ZNF789: variants seen among roughly 807,000 people sequenced by gnomAD.
ZNF789 encodes zinc finger protein 789.
ZNF789 carries 11 observed loss-of-function variants against 15.6 expected under a neutral mutation model. The ratio of observed to expected loss-of-function variants is 0.70; its 90% confidence interval spans 0.44 to 1.16. ZNF789 has a LOEUF of 1.16. Among genes scored for constraint, ZNF789 ranks in the 50% most tolerant of loss-of-function variants. The pLI, the probability that ZNF789 is intolerant of heterozygous loss-of-function variation, is 0.00. For synonymous variants in ZNF789, 159 were observed against 176.0 expected, an observed-to-expected ratio of 0.90 and a Z score of 0.76; for missense variants, 461 against 512.6, an observed-to-expected ratio of 0.90 and a Z score of 0.97.
At position 99,476,400 on chromosome 7, in the gene ZNF789, C is replaced by T; in HGVS notation, c.-54-3C>T. The T allele has an allele frequency of 6.3e-7, 1 of 1,588,096 alleles. No homozygotes were observed. Among genetic ancestry groups the T allele is most frequent in the Non-Finnish European group, 8.5e-7 (1 of 1,169,762 alleles). On this transcript the variant is annotated splice_region_variant and splice_polypyrimidine_tract_variant and intron_variant, in intron 1 of 4. Transcript: ENST00000331410. ...GGCCTTACTGACTTTTTTTCTTCTC[C>T]AGCTCAGCCAGACGTCCAGGATCCC...
chr7:99,483,508 G>A (rs774582798), intron 3 of ZNF789: 24 of 515,954 alleles, frequency 4.7e-5, no homozygotes, highest in Non-Finnish European at 7.4e-5. Flanking sequence ...CGCTGTGCCT[G>A]TAGTTCCAGC....
rs1334174138 is a variant in ZNF789, at chr7:99,486,798, A to G, written c.588A>G (p.Thr196=). The change falls in exon 5 of 5, where the codon ACA becomes ACG. Residue 196 remains threonine (T), a synonymous_variant. Transcript: ENST00000331410. ...SLLLGHERIL[T]RAKSYECSEC... ...TTTTGGGGCATGAGCGAATTCTCAC[A>G]AGAGCAAAGTCTTATGAATGCAGTG... The G allele has an allele frequency of 6.2e-7, 1 of 1,614,248 alleles. No homozygotes were observed. Among genetic ancestry groups the G allele is most frequent in the Non-Finnish European group, 8.5e-7 (1 of 1,180,046 alleles).
At chr7:99,478,341 G>A (rs1169458034) in intron 2 of ZNF789, 21 of 1,289,606 alleles carry the variant, frequency 1.6e-5, no homozygotes, top group Non-Finnish European at 2.1e-5. Flanking sequence ...GTAAAAGAGT[G>A]ACACTCTGGA....
Position 99,476,487 on chromosome 7 carries a change from T to C in ZNF789, c.24+7T>C. 1 of 1,611,802 alleles carries C rather than the reference T, an allele frequency of 6.2e-7. No individual in the cohort carries two copies. Among genetic ancestry groups the C allele is most frequent in the Non-Finnish European group, 8.5e-7 (1 of 1,179,260 alleles). On this transcript the variant is annotated splice_region_variant and intron_variant, in intron 2 of 4. Transcript: ENST00000331410. ...CCCACCAGCCAGGGGGAAGGTGAGC[T>C]GTGCCTCCCCCTCTGCTTCATCAGC...
intron 3 of ZNF789, among the ~76,000 whole-genome samples, chr7:99,482,836 CAA>C (rs1799721561): frequency 6.6e-6 from 1 of 151,854 alleles, no homozygotes; most frequent in Non-Finnish European, 1.5e-5. Context: ...GCCTGGGCAA[CAA>C]GAGCAAAACT....
At chr7:99,486,184 G>C (rs1799935829) in intron 4 of ZNF789, among the ~76,000 whole-genome samples, 1 of 152,170 alleles carries the variant, frequency 6.6e-6, no homozygotes, top group Non-Finnish European at 1.5e-5. Context: ...TGAGCATGAT[G>C]GCTGGCATCT....
chr7:99,483,772 G>T (rs1799768590), intron 3 of ZNF789: 1 of 780,918 alleles, frequency 1.3e-6, no homozygotes, highest in African/African-American at 1.7e-5. Flanking sequence ...ATACCACTGT[G>T]CTGAACGTCT....
chr7:99,474,204 G>A (rs1799173920), intron 1 of ZNF789, among the ~76,000 whole-genome samples: 1 of 152,136 alleles, frequency 6.6e-6, no homozygotes, highest in Non-Finnish European at 1.5e-5. Flanking sequence ...GGGCCACATT[G>A]GAAGAAGAAT....
rs139744911 is a variant in ZNF789, at chr7:99,486,615, T to A, written c.405T>A (p.Phe135Leu). Reference protein sequence around the residue: ...LSEKLHKCKEFVDSCRLTFPT... With the variant: ...LSEKLHKCKELVDSCRLTFPT... ...AAAAGTTACATAAGTGTAAAGAATT[T>A]GTGGACAGTTGCAGGCTTACTTTCC... The change falls in exon 5 of 5, where the codon TTT (phenylalanine) becomes TTA (leucine). Residue 135 changes from phenylalanine (F) to leucine (L), a missense_variant. By Grantham distance (22) the Phe-to-Leu change is conservative. Coordinates refer to ENST00000331410, the MANE Select transcript of ZNF789 (RefSeq NM_213603.3). 6.2e-7 allele frequency: 1 copy of A among 1,614,074 alleles called. No homozygotes were observed. Among genetic ancestry groups the A allele is most frequent in the Non-Finnish European group, 8.5e-7 (1 of 1,180,042 alleles).
chr7:99,479,912 G>A (rs1206037352), intron 3 of ZNF789, 125 bp downstream of exon 3: 8 of 1,354,880 alleles, frequency 5.9e-6, no homozygotes, highest in South Asian at 3.1e-5. Flanking sequence ...TTTATAACTC[G>A]TGTGGCTACA....
Position 99,476,467 on chromosome 7 carries a change from CAGCCAGGG to C in ZNF789, c.12_19del (p.Ala5GlufsTer7), listed in dbSNP as rs1799338860. 6 of 1,612,106 alleles carry C rather than the reference CAGCCAGGG, an allele frequency of 3.7e-6. No individual in the cohort carries two copies. Among genetic ancestry groups the C allele is most frequent in the Non-Finnish European group, 5.1e-6 (6 of 1,179,392 alleles). ...CAGGCCGTGGAAGCCATGTTCCCAC[CAGCCAGGG>C]GGAAGGTGAGCTGTGCCTCCCCCTC... is the stretch of plus-strand genomic sequence containing the variant. On this transcript the variant is annotated frameshift_variant, in exon 2 of 5. Transcript: ENST00000331410. LOFTEE classifies it high-confidence loss of function.
chr7:99,487,211 T>G lies in ZNF789; in HGVS notation c.1001T>G (p.Ile334Ser), dbSNP rs1277442526. 1 of 1,614,182 alleles carries G rather than the reference T, an allele frequency of 6.2e-7. No homozygotes were observed. The highest frequency in any genetic ancestry group is 1.7e-5 in the Admixed American group (1 of 60,006). ...TCAACCCTTCTATGTCATCAACAGATTCACAGTAAACCGAACACCCATAAA... is the reference window on the plus strand; with the variant it reads ...TCAACCCTTCTATGTCATCAACAGAGTCACAGTAAACCGAACACCCATAAA... ...RHSTLLCHQQ[I>S]HSKPNTHKCS... The change falls in exon 5 of 5, where the codon ATT (isoleucine) becomes AGT (serine). Residue 334 changes from isoleucine to serine, a missense_variant. Ile to Ser is a moderately radical substitution (Grantham distance 142). Transcript: ENST00000331410.
At position 99,487,125 on chromosome 7, in the gene ZNF789, G is replaced by C. The variant is rs140805737; in HGVS notation, c.915G>C (p.Val305=). The C allele has an allele frequency of 1.8e-4, 285 of 1,614,144 alleles. No individual in the cohort carries two copies. The African/African-American group carries it at 3.5e-3, about 20-fold the overall frequency. ...ATTCAACCCTTATTCGACATCAGGTGATCCATAGTGGAGAAAAACGCCATA... is the reference window on the plus strand; with the variant it reads ...ATTCAACCCTTATTCGACATCAGGTCATCCATAGTGGAGAAAAACGCCATA... ...SQNSTLIRHQ[V]IHSGEKRHKC... The change falls in exon 5 of 5, where the codon GTG becomes GTC. Residue 305 remains valine (V), a synonymous_variant. Transcript: ENST00000331410.
chr7:99,478,152 C>A, intron 2 of ZNF789: 1 of 546,310 alleles, frequency 1.8e-6, no homozygotes, highest in Non-Finnish European at 2.9e-6. Context: ...TGCTGCTGTA[C>A]ATACTTTTGC....
At chr7:99,479,983 G>A in intron 3 of ZNF789, 196 bp downstream of exon 3, 1 of 677,644 alleles carries the variant, frequency 1.5e-6, no homozygotes, top group South Asian at 2.9e-5. Context: ...ACCATTTATT[G>A]TCTTTATTTT....
At chr7:99,478,177 C>T in intron 2 of ZNF789, 1 of 855,634 alleles carries the variant, frequency 1.2e-6, no homozygotes, top group Non-Finnish European at 1.6e-6. Context: ...AATCAGTTTC[C>T]AAGAACCTAT....
chr7:99,480,606 G>T (rs1799571254), intron 3 of ZNF789: 2 of 152,120 alleles, frequency 1.3e-5, no homozygotes, highest in South Asian at 4.1e-4. Flanking sequence ...TGAGAATTAT[G>T]GTAGATTTAC....
intron 2 of ZNF789, among the ~76,000 whole-genome samples, chr7:99,477,625 C>T (rs1387805151): frequency 2.0e-5 from 3 of 152,148 alleles, no homozygotes; most frequent in African/African-American, 7.2e-5. Context: ...AGGTGTGAGC[C>T]ACCGCGCCCA....
chr7:99,483,424 G>A (rs1799749936), intron 3 of ZNF789, among the ~76,000 whole-genome samples: 1 of 152,000 alleles, frequency 6.6e-6, no homozygotes, highest in African/African-American at 2.4e-5. Context: ...GAGGTCAGGA[G>A]TTCGAGACCA....
Sources: gnomAD v4.1 joint callset for allele counts (sites outside exome capture counted in the v4.1 genomes callset) on GRCh38, gnomAD v4.1.1 for gene constraint, MANE v1.5 for transcripts, NCBI Gene and HGNC (gene_info 2026-07-23, HGNC 2026-07-21) for gene names.